ETV7: variants seen among roughly 807,000 people sequenced by gnomAD.
ETV7 encodes transcription factor ETV7.
A neutral mutation model predicts 39.1 loss-of-function variants in ETV7; 43 were observed. That is an observed-to-expected ratio of 1.10 (90% confidence interval 0.86 to 1.42). The LOEUF is 1.42. Among genes scored for constraint, ETV7 ranks in the 40% most tolerant of loss-of-function variants. ETV7 has a pLI of 0.00. For synonymous variants in ETV7, 196 were observed against 176.6 expected (o/e 1.11, Z -0.87); for missense variants, 432 against 442.3 (o/e 0.98, Z 0.21).
intron 2 of ETV7, among the ~76,000 whole-genome samples, chr6:36,380,711 A>G (rs1773609383): frequency 6.6e-6 from 1 of 152,154 alleles, no homozygotes; most frequent in Admixed American, 6.5e-5. Flanking sequence ...GGAGGCACAG[A>G]CTTTGCCTGT....
chr6:36,363,961 A>C (rs1169045339), downstream of ETV7, among the ~76,000 whole-genome samples: 1 of 151,790 alleles, frequency 6.6e-6, no homozygotes, highest in African/African-American at 2.4e-5. Context: ...AGCTAGACAT[A>C]AAGGTTCTCC....
chr6:36,385,042 T>A lies in ETV7; in HGVS notation c.142+492A>T, dbSNP rs576666669. Among the ~76,000 whole-genome samples, 26 of 152,316 alleles carry A rather than the reference T, an allele frequency of 1.7e-4. 2 individuals carry two copies. In the South Asian group the frequency reaches 5.4e-3, roughly 32 times the overall value. ...ACAAAGTTATGGTATGAGATATATA[T>A]AAAATTTTGGCCAGACACAGTGGCT... On this transcript the variant is annotated intron_variant, in intron 2 of 7. Coordinates refer to ENST00000340181, the MANE Select transcript of ETV7 (RefSeq NM_016135.4).
chr6:36,354,389 C>T, exon 8 of ETV7: 1 of 311,160 alleles, frequency 3.2e-6, no homozygotes, highest in Non-Finnish European at 5.9e-6. Flanking sequence ...AGTTTTAGCT[C>T]TTACGTTTAT....
chr6:36,356,088 T>C (rs1772328155), intron 7 of ETV7, among the ~76,000 whole-genome samples: 2 of 152,116 alleles, frequency 1.3e-5, no homozygotes, highest in Admixed American at 1.3e-4. Flanking sequence ...AAAGGAGATG[T>C]ATTCGAAAGC....
At chr6:36,371,678 A>G (rs1281517260) in intron 4 of ETV7, 118 bp from the exon 5 acceptor site, 3 of 920,438 alleles carry the variant, frequency 3.3e-6, no homozygotes, top group South Asian at 3.0e-5. Context: ...TCTTTCTCCA[A>G]CCAGCCCCTG....
chr6:36,364,596 T>G (rs1010783904), downstream of ETV7, among the ~76,000 whole-genome samples: 9 of 152,182 alleles, frequency 5.9e-5, no homozygotes, highest in African/African-American at 2.2e-4. Context: ...CAGCCCCAGT[T>G]CCCGCTCGTG....
At chr6:36,374,127 G>A (rs1048933194) in intron 3 of ETV7, among the ~76,000 whole-genome samples, 4 of 152,142 alleles carry the variant, frequency 2.6e-5, no homozygotes, top group African/African-American at 4.8e-5. Context: ...GGAGGCTAAG[G>A]CAGGAGGATT....
At chr6:36,373,391 C>T in intron 4 of ETV7, 62 bp downstream of exon 4, 1 of 1,450,992 alleles carries the variant, frequency 6.9e-7, no homozygotes, top group Non-Finnish European at 9.1e-7. Flanking sequence ...TGAGGATGTC[C>T]TGCCCTCCCA....
exon 8 of ETV7, chr6:36,354,578 A>G: frequency 1.5e-6 from 1 of 679,060 alleles, no homozygotes; most frequent in Non-Finnish European, 2.6e-6. Flanking sequence ...GCAAGTTTCA[A>G]AATCAGGAAG....
At chr6:36,354,744 G>T in intron 7 of ETV7, 1 of 677,268 alleles carries the variant, frequency 1.5e-6, no homozygotes, top group South Asian at 1.6e-5. Flanking sequence ...TGAATATGTA[G>T]ACCAATTTAG....
At chr6:36,378,191 A>T (rs1470336669) in intron 2 of ETV7, among the ~76,000 whole-genome samples, 1 of 151,874 alleles carries the variant, frequency 6.6e-6, no homozygotes, top group Non-Finnish European at 1.5e-5. Flanking sequence ...TTAATACATG[A>T]CAGAGGCAGG....
At chr6:36,379,196 TG>T in intron 2 of ETV7, among the ~76,000 whole-genome samples, 1 of 152,334 alleles carries the variant, frequency 6.6e-6, no homozygotes, top group Non-Finnish European at 1.5e-5. Context: ...TCATATTTTT[TG>T]TGTAGTTCCC....
At chr6:36,362,797 T>A (rs1309769615), downstream of ETV7, among the ~76,000 whole-genome samples, 4 of 152,224 alleles carry the variant, frequency 2.6e-5, no homozygotes, top group African/African-American at 7.2e-5. Flanking sequence ...CATGATGGTC[T>A]CAGTGCTGGG....
chr6:36,376,649 A>ACG (rs1773375055), intron 2 of ETV7, among the ~76,000 whole-genome samples: 1 of 152,018 alleles, frequency 6.6e-6, no homozygotes, highest in Admixed American at 6.6e-5. Flanking sequence ...GGTGGCATGC[A>ACG]CCTGTAGTCC....
At position 36,371,478 on chromosome 6, in the gene ETV7, G is replaced by T. The variant is rs751876214; in HGVS notation, c.516C>A (p.Gly172=). 1.2e-5 allele frequency: 19 copies of T among 1,604,082 alleles called. No individual in the cohort carries two copies. The highest frequency in any genetic ancestry group is 1.6e-5 in the Non-Finnish European group (19 of 1,175,208). Residue 172 remains glycine, a synonymous_variant, in exon 5 of 8, where the codon GGC becomes GGA. Coordinates refer to ENST00000340181, the MANE Select transcript of ETV7 (RefSeq NM_016135.4). ...PPDPGLTSNF[G]HLDDPGLARW... The stretch of plus-strand genomic sequence containing the variant: ...TTGCCAGGCCAGGGTCATCCAGGTG[G>T]CCGAAGTTGCTGGTAAGCCCTGGGT...
chr6:36,375,219 A>G (rs1773257505), intron 3 of ETV7, among the ~76,000 whole-genome samples: 2 of 152,162 alleles, frequency 1.3e-5, no homozygotes, highest in South Asian at 4.1e-4. Context: ...AGAAAACATG[A>G]GCGAATTCTT....
At chr6:36,383,023 A>G (rs1223571505) in intron 2 of ETV7, among the ~76,000 whole-genome samples, 2 of 152,010 alleles carry the variant, frequency 1.3e-5, no homozygotes, top group Non-Finnish European at 2.9e-5. Flanking sequence ...CCATCTCTGA[A>G]CTGCCTCCTC....
chr6:36,354,867 T>C (rs1280866123), intron 7 of ETV7, among the ~76,000 whole-genome samples: 1 of 152,236 alleles, frequency 6.6e-6, no homozygotes, highest in Non-Finnish European at 1.5e-5. Flanking sequence ...TGTCTTGTGC[T>C]TTAAGTTTAT....
Position 36,371,441 on chromosome 6 carries a change from C to T in ETV7, c.553G>A (p.Gly185Ser). ...CATAAGTTGAGGGACTCCTCCTTGC[C>T]AGGGGTCCACCTTGCCAGGCCAGGG... The part of the protein sequence containing the change: ...DDPGLARWTP[G>S]KEESLNLCHC... The change falls in exon 5 of 8, where the codon GGC becomes AGC. Residue 185 changes from glycine (G) to serine (S), a missense_variant. By Grantham distance (56) the Gly-to-Ser change is moderately conservative. Transcript: ENST00000340181. 1 of 1,600,564 alleles carries T rather than the reference C, an allele frequency of 6.2e-7. No individual in the cohort carries two copies. The highest frequency in any genetic ancestry group is 8.5e-7 in the Non-Finnish European group (1 of 1,173,008).
Sources: allele counts gnomAD v4.1 joint callset (sites outside exome capture counted in the v4.1 genomes callset), GRCh38; gene constraint gnomAD v4.1.1; transcripts MANE v1.5; gene names NCBI Gene and HGNC (gene_info 2026-07-23, HGNC 2026-07-21).